Variants in CSMD3 observed in about 807,000 individuals in gnomAD.
CSMD3 encodes CUB and Sushi multiple domains 3, also known as CUB and sushi domain-containing protein 3.
In CSMD3, 177 loss-of-function variants were observed where a neutral mutation model predicts 435.2. The observed-to-expected ratio is 0.41, with a 90% CI of 0.36 to 0.46. CSMD3 has a LOEUF of 0.46. CSMD3 is among the 20% of genes least tolerant of loss of function. CSMD3 has a pLI of 0.34. For synonymous variants in CSMD3, 1,656 were observed against 1,520.5 expected (o/e 1.09, Z -2.07); for missense variants, 4,265 against 4,504.6 (o/e 0.95, Z 1.52).
intron 11 of CSMD3, among the ~76,000 whole-genome samples, chr8:112,856,690 A>C (rs561461747): frequency 6.6e-6 from 1 of 151,884 alleles, no homozygotes; most frequent in South Asian, 2.1e-4. Context: ...TTTAAATCTC[A>C]GGTTACTTTT....
intron 22 of CSMD3, among the ~76,000 whole-genome samples, chr8:112,617,517 C>G (rs911605869): frequency 2.0e-5 from 3 of 152,142 alleles, no homozygotes; most frequent in African/African-American, 7.2e-5. Context: ...ATGGCAGTTT[C>G]AAATCTGTAA....
chr8:113,241,960 T>TAC (rs1028460966), intron 3 of CSMD3, among the ~76,000 whole-genome samples: 12 of 151,194 alleles, frequency 7.9e-5, no homozygotes, highest in African/African-American at 2.2e-4. Flanking sequence ...TATATATATA[T>TAC]ACACACACAA....
chr8:113,046,307 T>G (rs2131307107), intron 5 of CSMD3, among the ~76,000 whole-genome samples: 1 of 148,760 alleles, frequency 6.7e-6, no homozygotes, highest in African/African-American at 2.4e-5. Context: ...TGCGGAGTTT[T>G]AAAAAAGAAA....
intron 4 of CSMD3, among the ~76,000 whole-genome samples, chr8:113,148,754 G>A (rs1349337824): frequency 6.6e-6 from 1 of 151,586 alleles, no homozygotes; most frequent in African/African-American, 2.4e-5. Context: ...CAAGAGTTTT[G>A]TTGGTTTCTT....
intron 23 of CSMD3, among the ~76,000 whole-genome samples, chr8:112,579,489 A>T (rs1432241893): frequency 6.6e-6 from 1 of 152,076 alleles, no homozygotes; most frequent in Non-Finnish European, 1.5e-5. Context: ...AAAAGCACAG[A>T]TAATAGTAAA....
chr8:113,104,023 T>G (rs1211901088), intron 4 of CSMD3, among the ~76,000 whole-genome samples: 5 of 152,086 alleles, frequency 3.3e-5, no homozygotes, highest in Admixed American at 2.6e-4. Context: ...AACATGGCTG[T>G]TAATAAAAAA....
intron 19 of CSMD3, among the ~76,000 whole-genome samples, chr8:112,647,011 C>T (rs113266208): frequency 0.019 from 2,868 of 152,178 alleles, 52 homozygotes; most frequent in Middle Eastern, 0.048. Context: ...ACTCAGCCCC[C>T]ACAACAACCT....
intron 45 of CSMD3, among the ~76,000 whole-genome samples, chr8:112,326,151 CTT>C (rs1342432824): frequency 1.3e-5 from 2 of 152,174 alleles, no homozygotes; most frequent in East Asian, 3.9e-4. Context: ...GGCATGTTGT[CTT>C]TGTTGGTCAA....
chr8:112,371,346 C>T (rs762339396), intron 38 of CSMD3, among the ~76,000 whole-genome samples: 10 of 152,076 alleles, frequency 6.6e-5, no homozygotes, highest in Admixed American at 2.6e-4. Context: ...GTTCCTCAGC[C>T]CTTGGCAATA....
chr8:113,148,198 A>G (rs942899140), intron 4 of CSMD3, among the ~76,000 whole-genome samples: 4 of 151,676 alleles, frequency 2.6e-5, no homozygotes, highest in South Asian at 2.1e-4. Context: ...GATATTTTTA[A>G]TTCCTCAAAA....
chr8:112,430,896 A>ATGTGTGCG (rs1813617811), intron 32 of CSMD3, among the ~76,000 whole-genome samples: 3 of 148,692 alleles, frequency 2.0e-5, no homozygotes, highest in African/African-American at 7.5e-5. Flanking sequence ...TTGTGTGTAT[A>ATGTGTGCG]TGTGTGTGTG....
chr8:112,855,487 C>T (rs2080623444), intron 11 of CSMD3, among the ~76,000 whole-genome samples: 1 of 151,972 alleles, frequency 6.6e-6, no homozygotes, highest in Non-Finnish European at 1.5e-5. Context: ...CTCTTTCTGT[C>T]TAAAAAAGTC....
intron 22 of CSMD3, among the ~76,000 whole-genome samples, chr8:112,612,946 T>C (rs897508568): frequency 2.6e-5 from 4 of 151,348 alleles, no homozygotes; most frequent in Non-Finnish European, 5.9e-5. Context: ...GGGAGGGGGA[T>C]GGTTGAAGGG....
intron 13 of CSMD3, among the ~76,000 whole-genome samples, chr8:112,711,240 T>C (rs1297550022): frequency 1.3e-5 from 2 of 152,084 alleles, no homozygotes; most frequent in Admixed American, 6.6e-5. Context: ...AAAAAAATTT[T>C]ACCAGGGTAA....
At chr8:112,444,923 G>C (rs764331110) in intron 32 of CSMD3, among the ~76,000 whole-genome samples, 1 of 152,058 alleles carries the variant, frequency 6.6e-6, no homozygotes, top group Non-Finnish European at 1.5e-5. Flanking sequence ...AGTAAGATTC[G>C]TTTTAACAAA....
intron 4 of CSMD3, among the ~76,000 whole-genome samples, chr8:113,127,848 G>T (rs1201281790): frequency 6.6e-6 from 1 of 151,916 alleles, no homozygotes; most frequent in Non-Finnish European, 1.5e-5. Context: ...CTCCAATATT[G>T]CCTCACTTAT....
intron 4 of CSMD3, among the ~76,000 whole-genome samples, chr8:113,134,213 T>C (rs1356909093): frequency 6.6e-6 from 1 of 152,068 alleles, no homozygotes; most frequent in African/African-American, 2.4e-5. Flanking sequence ...ATAGGCAAAG[T>C]CTTTCCAGCA....
At chr8:112,834,117 C>T (rs1437966340) in intron 11 of CSMD3, among the ~76,000 whole-genome samples, 1 of 151,900 alleles carries the variant, frequency 6.6e-6, no homozygotes, top group African/African-American at 2.4e-5. Context: ...AACTGAGACT[C>T]ATGCATGTAT....
chr8:112,746,527 T>C (rs1204155799), intron 13 of CSMD3, among the ~76,000 whole-genome samples: 4 of 152,196 alleles, frequency 2.6e-5, no homozygotes, highest in Non-Finnish European at 5.9e-5. Context: ...TATGCTTTAT[T>C]AAAATCCTCT....
Sources: gnomAD v4.1 joint callset for allele counts (sites outside exome capture counted in the v4.1 genomes callset) on GRCh38, gnomAD v4.1.1 for gene constraint, MANE v1.5 for transcripts, NCBI Gene and HGNC (gene_info 2026-07-23, HGNC 2026-07-21) for gene names.